The following GRIK2 variants were observed in gnomAD, a reference collection of about 807,000 sequenced individuals.
GRIK2 encodes the protein glutamate receptor ionotropic, kainate 2.
Under a neutral mutation model 100.3 loss-of-function variants are expected in GRIK2, and 32 were observed. The observed-to-expected ratio is 0.32, with a 90% CI of 0.24 to 0.43. The LOEUF (loss-of-function observed/expected upper bound fraction) is 0.43. GRIK2 is among the 20% of genes least tolerant of loss of function. GRIK2 has a pLI of 1.00. For missense variants in GRIK2, 843 were observed against 1,114.9 expected (o/e 0.76, Z 3.47); for synonymous variants, 417 against 389.4 (o/e 1.07, Z -0.83).
intron 2 of GRIK2, among the ~76,000 whole-genome samples, chr6:101,489,251 A>G (rs1440193130): frequency 6.8e-6 from 1 of 146,234 alleles, no homozygotes; most frequent in Non-Finnish European, 1.5e-5. Flanking sequence ...ATCATCCCAG[A>G]CAGATACTAT....
intron 2 of GRIK2, among the ~76,000 whole-genome samples, chr6:101,592,586 CACATATATATATATATATATATATATAT>C (rs1778708473): frequency 1.9e-5 from 1 of 53,396 alleles, no homozygotes; most frequent in African/African-American, 8.2e-5. Context: ...TTACTAATAT[CACATATATATATATATATATATATATAT>C]ATATATATAT....
At chr6:101,958,284 G>GTGTGTGTGTGTGTGT (rs758541113) in intron 14 of GRIK2, among the ~76,000 whole-genome samples, 359 of 18,888 alleles carry the variant, frequency 0.019, 2 homozygotes, top group Middle Eastern at 0.079. Flanking sequence ...TGTGTGTGTG[G>GTGTGTGTGTGTGTGT]GTCCATTGCA....
intron 14 of GRIK2, among the ~76,000 whole-genome samples, chr6:102,017,069 C>G (rs1769153571): frequency 6.6e-6 from 1 of 152,098 alleles, no homozygotes; most frequent in South Asian, 2.1e-4. Flanking sequence ...TCCAGACAAG[C>G]AAGTTCTGAG....
intron 2 of GRIK2, among the ~76,000 whole-genome samples, chr6:101,420,217 C>A (rs1413241583): frequency 1.3e-5 from 2 of 152,140 alleles, no homozygotes; most frequent in African/African-American, 4.8e-5. Context: ...GGCTTCCCAC[C>A]CAGTAAATTT....
intron 7 of GRIK2, among the ~76,000 whole-genome samples, chr6:101,697,590 T>G (rs1222588989): frequency 1.3e-5 from 2 of 152,026 alleles, no homozygotes; most frequent in Admixed American, 6.6e-5. Context: ...CGTTTTTAAG[T>G]TAAAAAGATG....
chr6:101,973,419 G>T (rs1259402483), intron 14 of GRIK2, among the ~76,000 whole-genome samples: 12 of 151,802 alleles, frequency 7.9e-5, no homozygotes, highest in Admixed American at 7.9e-4. Flanking sequence ...ATCCAAAAAT[G>T]CAAGAACATA....
chr6:101,762,154 C>T (rs551114505), intron 7 of GRIK2, among the ~76,000 whole-genome samples: 2 of 144,002 alleles, frequency 1.4e-5, no homozygotes, highest in Non-Finnish European at 3.0e-5. Flanking sequence ...TCCTCTTCCT[C>T]TGTCTCTGTC....
chr6:101,520,171 T>A (rs965137108), intron 2 of GRIK2, among the ~76,000 whole-genome samples: 8 of 101,038 alleles, frequency 7.9e-5, no homozygotes, highest in Admixed American at 6.5e-4. Context: ...AAATCTTCTT[T>A]TTATTATAAA....
intron 14 of GRIK2, among the ~76,000 whole-genome samples, chr6:101,967,110 T>TAATA (rs1466952132): frequency 6.6e-6 from 1 of 151,782 alleles, no homozygotes; most frequent in Non-Finnish European, 1.5e-5. Flanking sequence ...TATATTTTTA[T>TAATA]AATATTAAAC....
At chr6:101,601,320 A>G (rs1245878791) in intron 2 of GRIK2, among the ~76,000 whole-genome samples, 1 of 151,682 alleles carries the variant, frequency 6.6e-6, no homozygotes, top group Non-Finnish European at 1.5e-5. Context: ...TTGATGTACT[A>G]AAGGATTCAG....
chr6:101,821,016 T>C (rs1281658134), intron 10 of GRIK2, among the ~76,000 whole-genome samples: 1 of 152,210 alleles, frequency 6.6e-6, no homozygotes, highest in Non-Finnish European at 1.5e-5. Flanking sequence ...CGGAGAAAAG[T>C]GCCTTGGGTA....
Position 101,989,122 on chromosome 6 carries a change from C to T in GRIK2, c.2086-46219C>T, listed in dbSNP as rs116114252. Among the ~76,000 whole-genome samples the T allele has an allele frequency of 1.4e-3, 220 of 152,084 alleles. 1 individual carries two copies. The highest frequency in any genetic ancestry group is 5.2e-3 in the African/African-American group (214 of 41,520). On this transcript the variant is annotated intron_variant, in intron 14 of 16. Coordinates refer to ENST00000369134, the MANE Select transcript of GRIK2 (RefSeq NM_021956.5). ...TGCTTTAGCATGTGCATCTTAACATCTATAGAATCTTTCCATGATATGTTT... is the reference window on the plus strand; with the variant it reads ...TGCTTTAGCATGTGCATCTTAACATTTATAGAATCTTTCCATGATATGTTT...
intron 10 of GRIK2, among the ~76,000 whole-genome samples, chr6:101,821,926 G>A (rs1781979823): frequency 6.6e-6 from 1 of 152,016 alleles, no homozygotes; most frequent in South Asian, 2.1e-4. Context: ...GGAGATACAA[G>A]GAGATGTTAA....
At chr6:101,848,917 T>C (rs1237129267) in intron 10 of GRIK2, among the ~76,000 whole-genome samples, 2 of 152,062 alleles carry the variant, frequency 1.3e-5, no homozygotes, top group African/African-American at 4.8e-5. Flanking sequence ...CTTGTATTTC[T>C]TTGTAAGCAT....
intron 14 of GRIK2, among the ~76,000 whole-genome samples, chr6:102,022,121 GTC>G (rs1478728231): frequency 1.4e-5 from 2 of 141,902 alleles, no homozygotes; most frequent in Non-Finnish European, 3.0e-5. Context: ...TTTTAAATGA[GTC>G]TGTCTATATA....
intron 2 of GRIK2, among the ~76,000 whole-genome samples, chr6:101,573,109 G>A (rs900465684): frequency 1.3e-5 from 2 of 151,980 alleles, no homozygotes; most frequent in Admixed American, 1.3e-4. Context: ...GCCTCCCAAA[G>A]TGCTGGAATT....
intron 10 of GRIK2, among the ~76,000 whole-genome samples, chr6:101,843,981 T>A (rs1783665509): frequency 6.6e-6 from 1 of 152,138 alleles, no homozygotes; most frequent in Non-Finnish European, 1.5e-5. Context: ...CTTTTCATCT[T>A]TATGACATAG....
At chr6:101,969,680 A>T (rs1292137435) in intron 14 of GRIK2, among the ~76,000 whole-genome samples, 1 of 152,076 alleles carries the variant, frequency 6.6e-6, no homozygotes, top group South Asian at 2.1e-4. Context: ...TTAATGCATA[A>T]TATTTAATCC....
intron 7 of GRIK2, among the ~76,000 whole-genome samples, chr6:101,771,683 TC>T (rs1481340700): frequency 2.4e-5 from 2 of 82,176 alleles, no homozygotes; most frequent in Non-Finnish European, 4.6e-5. Flanking sequence ...CCCTCCCCCC[TC>T]CCCCCACCCC....
Sources: gnomAD v4.1 joint callset for allele counts (sites outside exome capture counted in the v4.1 genomes callset) on GRCh38, gnomAD v4.1.1 for gene constraint, MANE v1.5 for transcripts, NCBI Gene and HGNC (gene_info 2026-07-23, HGNC 2026-07-21) for gene names.